MRTFB: variants seen among roughly 807,000 people sequenced by gnomAD.
The protein encoded by MRTFB is myocardin related transcription factor B.
In MRTFB, 29 loss-of-function variants were observed where a neutral mutation model predicts 104.2. The ratio of observed to expected loss-of-function variants is 0.28; its 90% CI spans 0.21 to 0.38. The LOEUF (loss-of-function observed/expected upper bound fraction) is 0.38, where lower values mean the gene tolerates loss of function less well. MRTFB is among the 10% of genes least tolerant of loss of function. The probability of loss-of-function intolerance (pLI) is 1.00; values close to 1 mark genes in which losing one functional copy is unlikely to be tolerated. For synonymous variants in MRTFB, 535 were observed against 519.5 expected, an observed-to-expected ratio of 1.03 and a Z score of -0.41; for missense variants, 1,270 against 1,341.6, an observed-to-expected ratio of 0.95 and a Z score of 0.83.
chr16:14,187,032 G>A, intron 3 of MRTFB: 1 of 1,594,640 alleles, frequency 6.3e-7, no homozygotes, highest in Non-Finnish European at 8.5e-7. Flanking sequence ...AAGTCTCAAG[G>A]AAGGTCAGTC....
chr16:14,134,030 G>A (rs2142472850), intron 2 of MRTFB, among the ~76,000 whole-genome samples: 1 of 143,742 alleles, frequency 7.0e-6, no homozygotes, highest in South Asian at 2.1e-4. Context: ...GGATCATAAT[G>A]AATATTTCAA....
chr16:14,222,447 A>C (rs977019405), intron 8 of MRTFB, among the ~76,000 whole-genome samples: 12 of 151,940 alleles, frequency 7.9e-5, no homozygotes, highest in South Asian at 6.2e-4. Context: ...TTAGCTCACC[A>C]GCTATCGTTA....
chr16:14,233,489 T>C (rs2042354463), intron 8 of MRTFB, among the ~76,000 whole-genome samples: 1 of 152,140 alleles, frequency 6.6e-6, no homozygotes, highest in African/African-American at 2.4e-5. Flanking sequence ...AAAGGGACTT[T>C]ATGAATACCA....
chr16:14,121,137 T>C (rs1442815996), intron 2 of MRTFB, among the ~76,000 whole-genome samples: 1 of 152,082 alleles, frequency 6.6e-6, no homozygotes, highest in African/African-American at 2.4e-5. Context: ...TTCTTTGCTT[T>C]GGTGTTACAG....
chr16:14,221,816 C>CT (rs1438097737), intron 8 of MRTFB, among the ~76,000 whole-genome samples: 2 of 120,888 alleles, frequency 1.7e-5, no homozygotes, highest in Non-Finnish European at 3.2e-5. Flanking sequence ...GAGTCTCACT[C>CT]TGTCACCCAG....
the MRTFB span, among the ~76,000 whole-genome samples, chr16:14,052,402 T>C: frequency 6.6e-6 from 1 of 152,200 alleles, no homozygotes; most frequent in Non-Finnish European, 1.5e-5. Flanking sequence ...ACTTATCATT[T>C]ATCTGTGCTG....
intron 3 of MRTFB, among the ~76,000 whole-genome samples, chr16:14,170,857 G>T (rs1241394570): frequency 1.3e-5 from 2 of 152,152 alleles, no homozygotes; most frequent in East Asian, 3.8e-4. Context: ...GTTATTAAAT[G>T]TGGGTAATTG....
intron 2 of MRTFB, among the ~76,000 whole-genome samples, chr16:14,094,824 A>G (rs1039748576): frequency 6.6e-6 from 1 of 152,228 alleles, no homozygotes; most frequent in Admixed American, 6.5e-5. Context: ...TCTAAAAGCC[A>G]GTGTTCCATG....
At chr16:14,078,544 C>T (rs1343253339) in intron 1 of MRTFB, among the ~76,000 whole-genome samples, 1 of 151,870 alleles carries the variant, frequency 6.6e-6, no homozygotes, top group South Asian at 2.1e-4. Context: ...ATCATCCTAC[C>T]TCAGCCTCCC....
At chr16:14,255,865 A>G (rs1428185981) in intron 15 of MRTFB, among the ~76,000 whole-genome samples, 1 of 152,098 alleles carries the variant, frequency 6.6e-6, no homozygotes, top group African/African-American at 2.4e-5. Flanking sequence ...TGTAATCTCA[A>G]CACCTTGGGA....
intron 10 of MRTFB, among the ~76,000 whole-genome samples, chr16:14,243,743 T>C (rs1467160750): frequency 6.6e-6 from 1 of 151,972 alleles, no homozygotes; most frequent in Non-Finnish European, 1.5e-5. Flanking sequence ...CAAAAATAAA[T>C]ACACTCCTGT....
intron 3 of MRTFB, among the ~76,000 whole-genome samples, chr16:14,185,704 T>C (rs2039928299): frequency 6.6e-6 from 1 of 151,902 alleles, no homozygotes. Flanking sequence ...AAACAGAACC[T>C]CATGAAACAG....
chr16:14,022,922 C>G, the MRTFB span, among the ~76,000 whole-genome samples: 1 of 151,804 alleles, frequency 6.6e-6, no homozygotes, highest in Admixed American at 6.6e-5. Context: ...GTCTCAAACT[C>G]CCGACCTCAA....
At chr16:14,097,841 CTTCT>C (rs2035476055) in intron 2 of MRTFB, among the ~76,000 whole-genome samples, 1 of 152,162 alleles carries the variant, frequency 6.6e-6, no homozygotes. Flanking sequence ...TGTATGTACT[CTTCT>C]TTGTTTGACT....
At chr16:14,010,392 C>T in the MRTFB span, among the ~76,000 whole-genome samples, 3 of 152,194 alleles carry the variant, frequency 2.0e-5, no homozygotes, top group Non-Finnish European at 4.4e-5. Flanking sequence ...TCATGGCTCA[C>T]TGCAGCCTCA....
chr16:14,258,189 C>A, intron 16 of MRTFB, 28 bp downstream of exon 16: 1 of 1,598,924 alleles, frequency 6.3e-7, no homozygotes, highest in Non-Finnish European at 8.6e-7. Context: ...TCAGATCCTC[C>A]CAGGAAGTCA....
intron 15 of MRTFB, among the ~76,000 whole-genome samples, 178 bp downstream of exon 15, chr16:14,252,680 T>TA (rs1332264213): frequency 6.6e-6 from 1 of 152,230 alleles, no homozygotes; most frequent in African/African-American, 2.4e-5. Context: ...ATGAAGACCT[T>TA]AAACAGCTTT....
At chr16:14,060,043 G>A in the MRTFB span, among the ~76,000 whole-genome samples, 1 of 113,762 alleles carries the variant, frequency 8.8e-6, no homozygotes. Flanking sequence ...GTCTCACTCT[G>A]TCACCCAGGC....
chr16:14,042,836 T>C, the MRTFB span, among the ~76,000 whole-genome samples: 1 of 152,216 alleles, frequency 6.6e-6, no homozygotes, highest in African/African-American at 2.4e-5. Flanking sequence ...AGCGGTATCC[T>C]TGCTAATACC....
Sources: gnomAD v4.1 joint callset for allele counts (sites outside exome capture counted in the v4.1 genomes callset) on GRCh38, gnomAD v4.1.1 for gene constraint, MANE v1.5 for transcripts, NCBI Gene and HGNC (gene_info 2026-07-23, HGNC 2026-07-21) for gene names.